The following COL5A2 variants were observed in gnomAD, a reference collection of about 807,000 sequenced individuals.
The protein encoded by COL5A2 is collagen alpha-2(V) chain.
Under a neutral mutation model 208.2 loss-of-function variants are expected in COL5A2, and 23 were observed. The observed-to-expected ratio is 0.11, with a 90% CI of 0.08 to 0.16. The LOEUF is 0.16. Among genes scored for constraint, COL5A2 ranks in the 10% least tolerant of loss-of-function variants. The probability of loss-of-function intolerance (pLI) is 1.00; values close to 1 mark genes in which losing one functional copy is unlikely to be tolerated. For missense variants in COL5A2, 1,590 were observed against 1,956.4 expected (o/e 0.81, Z 3.53); for synonymous variants, 625 against 628.5 (o/e 0.99, Z 0.08).
intron 51 of COL5A2, among the ~76,000 whole-genome samples, chr2:189,038,919 G>A (rs554075829): frequency 5.3e-5 from 8 of 152,102 alleles, no homozygotes; most frequent in African/African-American, 1.7e-4. Context: ...TTGATCTCCT[G>A]ACCTCATGAT....
At chr2:189,161,427 A>C in intron 1 of COL5A2, among the ~76,000 whole-genome samples, 1 of 152,198 alleles carries the variant, frequency 6.6e-6, no homozygotes, top group East Asian at 1.9e-4. Flanking sequence ...TAAAATATAA[A>C]TTTAACTTTG....
At chr2:189,184,177 T>A (rs890977347), upstream of COL5A2, among the ~76,000 whole-genome samples, 2 of 152,106 alleles carry the variant, frequency 1.3e-5, no homozygotes, top group Non-Finnish European at 2.9e-5. Flanking sequence ...ATTTAAGAGT[T>A]GCTCAGGAGT....
At chr2:189,224,410 T>A (rs372754610) in intron 1 of COL5A2, among the ~76,000 whole-genome samples, 2 of 152,182 alleles carry the variant, frequency 1.3e-5, no homozygotes, top group South Asian at 4.1e-4. Context: ...AAAATATGGC[T>A]GGGCACGGTG....
intron 1 of COL5A2, among the ~76,000 whole-genome samples, chr2:189,139,137 C>G (rs1044073549): frequency 6.6e-6 from 1 of 151,980 alleles, no homozygotes; most frequent in Admixed American, 6.6e-5. Flanking sequence ...AGGCTTGGCG[C>G]GGTGGCTCAC....
chr2:189,057,289 TGAA>T, intron 34 of COL5A2, 28 bp downstream of exon 34: 1 of 524,696 alleles, frequency 1.9e-6, no homozygotes, highest in Non-Finnish European at 2.8e-6. Flanking sequence ...ATAAATGAAC[TGAA>T]AAAAAAAAAA....
At chr2:189,379,506 AG>A in the COL5A2 span, among the ~76,000 whole-genome samples, 1 of 152,180 alleles carries the variant, frequency 6.6e-6, no homozygotes, top group African/African-American at 2.4e-5. Context: ...GGCCACAGAG[AG>A]GCAGGGTGCA....
chr2:189,052,664 A>G, intron 40 of COL5A2, 85 bp downstream of exon 40: 1 of 1,299,428 alleles, frequency 7.7e-7, no homozygotes, highest in South Asian at 1.2e-5. Flanking sequence ...TCAGTCTCAG[A>G]TGAAAATTAT....
chr2:189,129,210 G>C (rs1267805359), intron 1 of COL5A2, among the ~76,000 whole-genome samples: 3 of 151,702 alleles, frequency 2.0e-5, no homozygotes, highest in Non-Finnish European at 4.4e-5. Flanking sequence ...CTACCTTATA[G>C]AAAACAGATG....
At chr2:189,240,466 C>T in the COL5A2 span, among the ~76,000 whole-genome samples, 1 of 152,202 alleles carries the variant, frequency 6.6e-6, no homozygotes. Flanking sequence ...AATACTATCA[C>T]ACTGGGGATT....
At chr2:189,309,167 A>G in the COL5A2 span, among the ~76,000 whole-genome samples, 373 of 152,238 alleles carry the variant, frequency 2.5e-3, 11 homozygotes, top group East Asian at 0.063. Flanking sequence ...GTATCAGGTG[A>G]TGGTCAGGTG....
At chr2:189,335,691 G>A in the COL5A2 span, among the ~76,000 whole-genome samples, 8 of 152,132 alleles carry the variant, frequency 5.3e-5, no homozygotes, top group South Asian at 1.2e-3. Flanking sequence ...ATTTATATGA[G>A]CTGTCCAGAA....
the COL5A2 span, among the ~76,000 whole-genome samples, chr2:189,378,382 A>G: frequency 1.3e-5 from 2 of 152,220 alleles, no homozygotes; most frequent in African/African-American, 2.4e-5. Context: ...CCTGAAAAAC[A>G]AGGTAAAAAT....
At chr2:189,157,485 A>G (rs1397991497) in intron 1 of COL5A2, among the ~76,000 whole-genome samples, 2 of 151,978 alleles carry the variant, frequency 1.3e-5, no homozygotes, top group Admixed American at 1.3e-4. Context: ...ATCTTCAACA[A>G]TAATTACAAA....
chr2:189,175,515 A>T (rs942653261), intron 1 of COL5A2, among the ~76,000 whole-genome samples: 1 of 151,820 alleles, frequency 6.6e-6, no homozygotes, highest in Non-Finnish European at 1.5e-5. Flanking sequence ...ACCTGCTTAA[A>T]AGCATTTCTT....
chr2:189,063,881 A>G, intron 26 of COL5A2, 99 bp downstream of exon 26: 4 of 908,254 alleles, frequency 4.4e-6, no homozygotes, highest in Non-Finnish European at 7.1e-6. Flanking sequence ...TATGACCAGC[A>G]TCCATATAAT....
the COL5A2 span, among the ~76,000 whole-genome samples, chr2:189,343,795 A>C: frequency 6.6e-6 from 1 of 152,132 alleles, no homozygotes; most frequent in Admixed American, 6.6e-5. Flanking sequence ...TTTGTCCAAA[A>C]AGTCACACAA....
intron 1 of COL5A2, among the ~76,000 whole-genome samples, chr2:189,206,769 A>G (rs1012710318): frequency 2.0e-5 from 3 of 152,218 alleles, no homozygotes; most frequent in Non-Finnish European, 2.9e-5. Context: ...CACAGAGGAC[A>G]GCAGGATTGT....
At chr2:189,184,284 A>C (rs1356163), upstream of COL5A2, among the ~76,000 whole-genome samples, 87,826 of 151,290 alleles carry the variant, frequency 0.58, 26,791 homozygotes, top group East Asian at 0.72. Context: ...AAAAAAAAAA[A>C]TCACCAGAAA....
chr2:189,183,201 T>A (rs527301267), upstream of COL5A2, among the ~76,000 whole-genome samples: 1 of 152,236 alleles, frequency 6.6e-6, no homozygotes, highest in African/African-American at 2.4e-5. Flanking sequence ...ATCTTTCTTC[T>A]TTCCCCTCCT....
Sources: gnomAD v4.1 joint callset for allele counts (sites outside exome capture counted in the v4.1 genomes callset) on GRCh38, gnomAD v4.1.1 for gene constraint, MANE v1.5 for transcripts, NCBI Gene and HGNC (gene_info 2026-07-23, HGNC 2026-07-21) for gene names.